Variants in MYO16 observed in about 807,000 individuals in gnomAD.
The protein encoded by MYO16 is unconventional myosin-XVI.
In MYO16, 94 loss-of-function variants were observed where a neutral mutation model predicts 205.3. That is an observed-to-expected ratio of 0.46 (90% CI 0.39 to 0.54). MYO16 has a LOEUF of 0.54. MYO16 is among the 20% of genes least tolerant of loss of function. The pLI is 0.00. For missense variants in MYO16, 2,315 were observed against 2,387.5 expected (o/e 0.97, Z 0.63); for synonymous variants, 988 against 954.0 (o/e 1.04, Z -0.66).
chr13:109,032,315 T>C (rs1472774781), intron 23 of MYO16, among the ~76,000 whole-genome samples: 1 of 152,208 alleles, frequency 6.6e-6, no homozygotes, highest in African/African-American at 2.4e-5. Context: ...TGGTGTGGTC[T>C]TTGTTTTCAT....
intron 20 of MYO16, among the ~76,000 whole-genome samples, chr13:108,991,192 A>G (rs1411207803): frequency 6.6e-6 from 1 of 152,126 alleles, no homozygotes; most frequent in African/African-American, 2.4e-5. Context: ...CGACGTCCCC[A>G]TGCTACCCTT....
chr13:108,802,703 G>A (rs1887002693), intron 6 of MYO16, among the ~76,000 whole-genome samples: 1 of 152,120 alleles, frequency 6.6e-6, no homozygotes, highest in South Asian at 2.1e-4. Context: ...GTAACATACA[G>A]ATATTCCCCT....
the MYO16 span, among the ~76,000 whole-genome samples, chr13:108,587,001 G>A: frequency 1.3e-5 from 2 of 152,206 alleles, no homozygotes; most frequent in Non-Finnish European, 2.9e-5. Flanking sequence ...TGCACAGAAA[G>A]CCAATCACTG....
intron 11 of MYO16, among the ~76,000 whole-genome samples, chr13:108,855,795 C>G (rs1878141266): frequency 6.6e-6 from 1 of 152,174 alleles, no homozygotes; most frequent in South Asian, 2.1e-4. Context: ...GACACAAGTA[C>G]TGCTATTAAA....
At chr13:108,877,202 T>C (rs1004257913) in intron 12 of MYO16, among the ~76,000 whole-genome samples, 4 of 152,230 alleles carry the variant, frequency 2.6e-5, no homozygotes, top group Admixed American at 2.0e-4. Context: ...TTTTTGCTCA[T>C]GTTTGAGAGT....
In MYO16 at chr13:109,144,766, G is replaced by A. The variant is rs1207333596; in HGVS notation, c.5164+3390G>A. ...CAAATTTTGCAGAAAGGTTCAAAATGTTCTCCTTGGCTGTTTGGAACAATG... is the reference window on the plus strand; with the variant it reads ...CAAATTTTGCAGAAAGGTTCAAAATATTCTCCTTGGCTGTTTGGAACAATG... On this transcript the variant is annotated intron_variant, in intron 32 of 34. Transcript: ENST00000457511. 2.0e-5 allele frequency among the ~76,000 whole-genome samples: 3 copies of A among 152,260 alleles called. No homozygotes were observed. The East Asian group carries it at 5.8e-4, about 29-fold the overall frequency.
intron 16 of MYO16, among the ~76,000 whole-genome samples, chr13:108,936,720 G>T (rs1435947991): frequency 6.6e-6 from 1 of 152,044 alleles, no homozygotes; most frequent in African/African-American, 2.4e-5. Context: ...TATAGCTGTT[G>T]TTACATGTGA....
At chr13:108,963,546 CCTTATCTCAA>C (rs1883669794) in intron 19 of MYO16, among the ~76,000 whole-genome samples, 1 of 152,144 alleles carries the variant, frequency 6.6e-6, no homozygotes, top group South Asian at 2.1e-4. Flanking sequence ...TTTTATCTCA[CCTTATCTCAA>C]CTTGCCCTCC....
intron 1 of MYO16, among the ~76,000 whole-genome samples, chr13:108,608,321 C>T (rs1214710219): frequency 6.6e-6 from 1 of 152,088 alleles, no homozygotes; most frequent in Non-Finnish European, 1.5e-5. Context: ...TTCTTGGTTC[C>T]TCTGCTAATA....
chr13:108,560,869 T>A, the MYO16 span, among the ~76,000 whole-genome samples: 3 of 152,216 alleles, frequency 2.0e-5, no homozygotes, highest in African/African-American at 7.2e-5. Flanking sequence ...ATGGTTAGGC[T>A]TTACAAAAAT....
chr13:108,624,123 T>A (rs940488344), intron 1 of MYO16, among the ~76,000 whole-genome samples: 1 of 152,178 alleles, frequency 6.6e-6, no homozygotes, highest in Non-Finnish European at 1.5e-5. Flanking sequence ...AGGAGAGGCT[T>A]CTTATTTAAT....
At chr13:108,601,858 A>G (rs1377717180) in intron 1 of MYO16, among the ~76,000 whole-genome samples, 1 of 151,992 alleles carries the variant, frequency 6.6e-6, no homozygotes, top group Non-Finnish European at 1.5e-5. Flanking sequence ...AGGCCTCTCA[A>G]TTTGGGAGAG....
chr13:108,972,201 C>G (rs1884043362), intron 20 of MYO16, among the ~76,000 whole-genome samples: 1 of 87,174 alleles, frequency 1.1e-5, no homozygotes, highest in Non-Finnish European at 2.3e-5. Flanking sequence ...CAGACTGAGA[C>G]CCTGTCTCTC....
intron 4 of MYO16, among the ~76,000 whole-genome samples, chr13:108,780,211 A>G (rs1199855288): frequency 2.0e-5 from 3 of 152,228 alleles, no homozygotes; most frequent in Non-Finnish European, 1.5e-5. Flanking sequence ...ATTTAGAAGA[A>G]AAATGAAGAT....
intron 23 of MYO16, among the ~76,000 whole-genome samples, chr13:109,027,598 C>T (rs1383575155): frequency 6.6e-6 from 1 of 152,180 alleles, no homozygotes; most frequent in Non-Finnish European, 1.5e-5. Context: ...TGATTTCCAG[C>T]TCCATTACTC....
intron 21 of MYO16, among the ~76,000 whole-genome samples, chr13:108,995,219 G>A (rs1181028169): frequency 1.3e-5 from 2 of 152,116 alleles, no homozygotes; most frequent in African/African-American, 2.4e-5. Context: ...CTGCTTCATA[G>A]ATGCTGCCTT....
At chr13:109,093,407 C>A (rs1888680529) in intron 27 of MYO16, among the ~76,000 whole-genome samples, 1 of 152,094 alleles carries the variant, frequency 6.6e-6, no homozygotes, top group Non-Finnish European at 1.5e-5. Flanking sequence ...AGTAAAGAGA[C>A]CAGCCACAGA....
At chr13:108,800,848 A>G (rs7339342) in intron 6 of MYO16, among the ~76,000 whole-genome samples, 98,582 of 152,008 alleles carry the variant, frequency 0.65, 33,476 homozygotes, top group East Asian at 0.77. Context: ...TTTTACATAC[A>G]GATTAGTAAA....
chr13:109,118,966 A>C (rs745463569), intron 28 of MYO16, among the ~76,000 whole-genome samples: 2 of 152,234 alleles, frequency 1.3e-5, no homozygotes, highest in Non-Finnish European at 2.9e-5. Flanking sequence ...GAAGTAGACC[A>C]GTAGTTAAGA....
Sources: allele counts gnomAD v4.1 joint callset (sites outside exome capture counted in the v4.1 genomes callset), GRCh38; gene constraint gnomAD v4.1.1; transcripts MANE v1.5; gene names NCBI Gene and HGNC (gene_info 2026-07-23, HGNC 2026-07-21).